The following ZNF248 variants were observed in gnomAD, a reference collection of about 807,000 sequenced individuals.
The protein encoded by ZNF248 is KRAB protein domain.
In ZNF248, 20 loss-of-function variants were observed where a neutral mutation model predicts 44.3. The ratio of observed to expected loss-of-function variants is 0.45; its 90% CI spans 0.32 to 0.66. ZNF248 has a LOEUF of 0.66. ZNF248 is among the 30% of genes least tolerant of loss of function. The pLI is 0.04. For synonymous variants in ZNF248, 224 were observed against 229.0 expected (o/e 0.98, Z 0.20); for missense variants, 654 against 677.0 (o/e 0.97, Z 0.38).
intron 6 of ZNF248, chr10:37,820,304 T>C (rs1401276440): frequency 2.3e-5 from 32 of 1,395,972 alleles, no homozygotes; most frequent in Non-Finnish European, 4.1e-6. Flanking sequence ...AGGGACTGTT[T>C]TGCTGAGCTG....
intron 6 of ZNF248, among the ~76,000 whole-genome samples, chr10:37,806,983 AT>A (rs80158974): frequency 2.0e-5 from 3 of 149,452 alleles, no homozygotes; most frequent in Non-Finnish European, 3.0e-5. Flanking sequence ...TTTTCCCAGC[AT>A]TTTTTTTTTC....
At chr10:37,804,709 T>C (rs974649432) in intron 6 of ZNF248, among the ~76,000 whole-genome samples, 1 of 152,212 alleles carries the variant, frequency 6.6e-6, no homozygotes, top group Admixed American at 6.5e-5. Context: ...CCCAAAGTGC[T>C]GGGATTACAG....
Position 37,832,205 on chromosome 10 carries a change from C to G in ZNF248, c.1150G>C (p.Glu384Gln). ...HTGEKTFECGECGKTFWEKSN... is the reference protein window; with the variant it reads ...HTGEKTFECGQCGKTFWEKSN... ...TTCTCCCAGAAGGTTTTCCCACATT[C>G]ACCACATTCAAAGGTTTTTTCTCCT... The change falls in exon 6 of 6, where the codon GAA (glutamate) becomes CAA (glutamine). Residue 384 changes from glutamate (E) to glutamine (Q), a missense_variant. Coordinates refer to ENST00000395867, the MANE Select transcript of ZNF248 (RefSeq NM_021045.3). The G allele has an allele frequency of 6.2e-7, 1 of 1,614,100 alleles. No individual in the cohort carries two copies. The highest frequency in any genetic ancestry group is 8.5e-7 in the Non-Finnish European group (1 of 1,179,984).
At chr10:37,840,652 A>G (rs2058166014) in intron 3 of ZNF248, among the ~76,000 whole-genome samples, 2 of 152,054 alleles carry the variant, frequency 1.3e-5, no homozygotes. Context: ...GTGTAGTGGC[A>G]CACACCTGTA....
rs2056173146 is a variant in ZNF248, at chr10:37,832,813, T to A, written c.542A>T (p.Glu181Val). 1.2e-6 allele frequency: 2 copies of A among 1,613,796 alleles called. No individual in the cohort carries two copies. The highest frequency in any genetic ancestry group is 1.7e-6 in the Non-Finnish European group (2 of 1,179,874). The change falls in exon 6 of 6, where the codon GAG becomes GTG. Residue 181 changes from glutamate to valine, a missense_variant. Transcript: ENST00000395867. ...AGACTTCTCTCCAATAGGGATTTTCTCATGCCTAATATCAAGGAGCAATTT... is the reference window on the plus strand; with the variant it reads ...AGACTTCTCTCCAATAGGGATTTTCACATGCCTAATATCAAGGAGCAATTT... Reference protein sequence around the residue: ...CEKLLLDIRHEKIPIGEKSYK... With the variant: ...CEKLLLDIRHVKIPIGEKSYK...
chr10:37,763,563 A>G, the ZNF248 span, among the ~76,000 whole-genome samples: 3 of 152,248 alleles, frequency 2.0e-5, no homozygotes, highest in African/African-American at 4.8e-5. Context: ...AAAAGACTGT[A>G]TTAATATAAA....
intron 6 of ZNF248, among the ~76,000 whole-genome samples, chr10:37,808,128 C>T (rs1735811458): frequency 6.6e-6 from 1 of 151,990 alleles, no homozygotes; most frequent in South Asian, 2.1e-4. Flanking sequence ...TTTTTCCCTC[C>T]ATTCTATTAA....
downstream of ZNF248, among the ~76,000 whole-genome samples, chr10:37,825,380 T>C (rs2054213956): frequency 6.6e-6 from 1 of 152,064 alleles, no homozygotes; most frequent in Non-Finnish European, 1.5e-5. Flanking sequence ...AAGGTTGGAA[T>C]TTTTTTAACA....
chr10:37,793,108 C>T (rs1038049957), intron 6 of ZNF248, among the ~76,000 whole-genome samples: 3 of 151,920 alleles, frequency 2.0e-5, no homozygotes, highest in East Asian at 1.9e-4. Flanking sequence ...CTGCGGCAGG[C>T]GGATCACAAG....
intron 6 of ZNF248, among the ~76,000 whole-genome samples, chr10:37,797,471 A>C (rs1280599175): frequency 2.0e-5 from 3 of 152,180 alleles, no homozygotes; most frequent in Non-Finnish European, 4.4e-5. Context: ...CAACAAAATT[A>C]AAACTTTTGT....
chr10:37,772,460 C>A (rs2046293961), downstream of ZNF248, among the ~76,000 whole-genome samples: 1 of 152,056 alleles, frequency 6.6e-6, no homozygotes, highest in South Asian at 2.1e-4. Context: ...CGAGGAAACA[C>A]CTGAAGGACT....
intron 6 of ZNF248, among the ~76,000 whole-genome samples, chr10:37,777,024 T>G (rs994377262): frequency 6.6e-6 from 1 of 152,158 alleles, no homozygotes; most frequent in Non-Finnish European, 1.5e-5. Flanking sequence ...CTGTGCCAAA[T>G]TTTTTACATA....
intron 6 of ZNF248, among the ~76,000 whole-genome samples, chr10:37,777,580 A>C (rs1014355923): frequency 1.4e-5 from 2 of 145,868 alleles, no homozygotes; most frequent in African/African-American, 5.1e-5. Flanking sequence ...ACATGTGCAC[A>C]TTGTGCAGGT....
chr10:37,793,299 C>CT (rs1408227115), intron 6 of ZNF248, among the ~76,000 whole-genome samples: 2 of 152,070 alleles, frequency 1.3e-5, no homozygotes, highest in Non-Finnish European at 2.9e-5. Flanking sequence ...CACGCCACTG[C>CT]ACTCCAGCCT....
At chr10:37,778,380 GTTGT>G (rs1234010202) in intron 6 of ZNF248, among the ~76,000 whole-genome samples, 19 of 152,136 alleles carry the variant, frequency 1.2e-4, no homozygotes, top group Non-Finnish European at 2.5e-4. Context: ...TTTTGATAGG[GTTGT>G]TTGTTTTTTT....
downstream of ZNF248, among the ~76,000 whole-genome samples, chr10:37,825,410 C>G (rs973088924): frequency 6.6e-6 from 1 of 152,162 alleles, no homozygotes; most frequent in Non-Finnish European, 1.5e-5. Flanking sequence ...ACAGCACCCA[C>G]TGTGACAATG....
the ZNF248 span, among the ~76,000 whole-genome samples, chr10:37,766,503 C>A: frequency 6.6e-6 from 1 of 152,156 alleles, no homozygotes; most frequent in African/African-American, 2.4e-5. Flanking sequence ...CTGCTGATAC[C>A]CAGGCAAACA....
At chr10:37,803,941 A>G (rs547888266) in intron 6 of ZNF248, 21 of 152,782 alleles carry the variant, frequency 1.4e-4, no homozygotes, top group African/African-American at 4.3e-4. Context: ...TCAGTTCTCA[A>G]TGCTGTGAAT....
chr10:37,782,143 A>G (rs1331296338), intron 6 of ZNF248, among the ~76,000 whole-genome samples: 2 of 152,200 alleles, frequency 1.3e-5, no homozygotes, highest in African/African-American at 4.8e-5. Context: ...AAGTCAATCT[A>G]CCAAGAGTAT....
Sources: allele counts gnomAD v4.1 joint callset (sites outside exome capture counted in the v4.1 genomes callset), GRCh38; gene constraint gnomAD v4.1.1; transcripts MANE v1.5; gene names NCBI Gene and HGNC (gene_info 2026-07-23, HGNC 2026-07-21).